The following TAF3 variants were observed in gnomAD, a reference collection of about 807,000 sequenced individuals.
TAF3 encodes the protein transcription initiation factor TFIID subunit 3.
In TAF3, 7 loss-of-function variants were observed where a neutral mutation model predicts 80.6. The observed-to-expected ratio is 0.09, with a 90% CI of 0.05 to 0.16. The LOEUF (loss-of-function observed/expected upper bound fraction) is 0.16, where lower values mean the gene tolerates loss of function less well. TAF3 is among the 10% of genes least tolerant of loss of function. The pLI, the probability that TAF3 is intolerant of heterozygous loss-of-function variation, is 1.00. For missense variants in TAF3, 921 were observed against 1,140.2 expected, an observed-to-expected ratio of 0.81 and a Z score of 2.77; for synonymous variants, 444 against 446.1, an observed-to-expected ratio of 1.00 and a Z score of 0.06.
At position 8,009,262 on chromosome 10, in the gene TAF3, G is replaced by C. The variant is rs150758246; in HGVS notation, c.2500G>C (p.Ala834Pro). Reference protein sequence around the residue: ...GPALLPSPGPAASGASAKAPV... With the variant: ...GPALLPSPGPPASGASAKAPV... ...TGCCCTGCTGCCCTCCCCGGGTCCC[G>C]CCGCCTCCGGGGCCAGTGCCAAAGC... Residue 834 changes from alanine (A) to proline (P), a missense_variant, in exon 5 of 7, where the codon GCC (alanine) becomes CCC (proline). Ala to Pro is a conservative substitution (Grantham distance 27). Coordinates refer to ENST00000344293, the MANE Select transcript of TAF3 (RefSeq NM_031923.4). The surrounding 1 kb of genome is among the most constrained non-coding windows in gnomAD (Gnocchi z 4.1). The C allele has an allele frequency of 6.4e-7, 1 of 1,552,678 alleles. No individual in the cohort carries two copies. The highest frequency in any genetic ancestry group is 8.7e-7 in the Non-Finnish European group (1 of 1,152,754).
At chr10:7,821,812 G>T (rs1164992649) in intron 1 of TAF3, among the ~76,000 whole-genome samples, 2 of 152,124 alleles carry the variant, frequency 1.3e-5, no homozygotes, top group African/African-American at 4.8e-5. Flanking sequence ...ATAGATTCTG[G>T]GGTAGGATTA....
rs747748589 is a variant in TAF3 at position 7,849,281 on chromosome 10, A to C, written c.409+24721A>C. On this transcript the variant is annotated intron_variant, in intron 2 of 6. Transcript: ENST00000344293. ...TTTGAATTCAGACAGTCTGACTCTAAAGAGCTTTTTTAAAAAAATTACTGA... is the reference window on the plus strand; with the variant it reads ...TTTGAATTCAGACAGTCTGACTCTACAGAGCTTTTTTAAAAAAATTACTGA... Among the ~76,000 whole-genome samples the C allele has an allele frequency of 5.9e-5, 9 of 152,296 alleles. No homozygotes were observed. The South Asian group carries it at 1.9e-3, about 32-fold the overall frequency.
At chr10:8,014,143 G>A (rs552016490) in intron 6 of TAF3, among the ~76,000 whole-genome samples, 1 of 152,270 alleles carries the variant, frequency 6.6e-6, no homozygotes, top group South Asian at 2.1e-4. Context: ...GTAATGTTCT[G>A]TAGGAGCTGT....
At chr10:7,991,225 A>G (rs1411485842) in intron 4 of TAF3, among the ~76,000 whole-genome samples, 1 of 152,100 alleles carries the variant, frequency 6.6e-6, no homozygotes, top group Non-Finnish European at 1.5e-5. Flanking sequence ...ATCCGTATGC[A>G]TGTATATATA....
At chr10:7,863,672 CAT>C (rs745710710) in intron 2 of TAF3, among the ~76,000 whole-genome samples, 1,961 of 41,658 alleles carry the variant, frequency 0.047, 457 homozygotes, top group Middle Eastern at 0.097. Context: ...TATATACACA[CAT>C]ATATATATAT....
intron 2 of TAF3, among the ~76,000 whole-genome samples, chr10:7,866,047 TGA>T (rs1191075586): frequency 3.5e-4 from 54 of 152,332 alleles, no homozygotes; most frequent in African/African-American, 1.3e-3. Flanking sequence ...AAAGAATATT[TGA>T]GAGTCATCTT....
chr10:7,963,990 A>T lies in TAF3; in HGVS notation c.480A>T (p.Glu160Asp). The change falls in exon 3 of 7, where the codon GAA (glutamate) becomes GAT (aspartate). Residue 160 changes from glutamate (E) to aspartate (D), a missense_variant. Physicochemically the swap from Glu to Asp is conservative, Grantham distance 45 (BLOSUM62 2). Around this residue, in one of 6 missense-constraint regions of TAF3, gnomAD observed 743 missense variants for 821.0 expected, o/e 0.90. Coordinates refer to ENST00000344293, the MANE Select transcript of TAF3 (RefSeq NM_031923.4). ...SAEAMQVPLE[E>D]DDELEEEEII... ...AAGCCATGCAGGTTCCCTTGGAAGAAGATGATGAATTGGAGGAGGAAGAAA... is the reference window on the plus strand; with the variant it reads ...AAGCCATGCAGGTTCCCTTGGAAGATGATGATGAATTGGAGGAGGAAGAAA... 1 of 1,614,130 alleles carries T rather than the reference A, an allele frequency of 6.2e-7. No individual in the cohort carries two copies. Among genetic ancestry groups the T allele is most frequent in the Non-Finnish European group, 8.5e-7 (1 of 1,180,014 alleles).
intron 2 of TAF3, among the ~76,000 whole-genome samples, chr10:7,940,681 A>G (rs1481673220): frequency 1.3e-5 from 2 of 152,334 alleles, no homozygotes; most frequent in East Asian, 3.9e-4. Context: ...GTGGCCAGGC[A>G]TGGTGGCTTA....
chr10:7,912,839 T>C (rs1033442716), intron 2 of TAF3, among the ~76,000 whole-genome samples: 2 of 152,180 alleles, frequency 1.3e-5, no homozygotes, highest in African/African-American at 4.8e-5. Context: ...TTTTTTTCCT[T>C]TCTGAATCGG....
At chr10:7,901,342 C>A (rs1374986444) in intron 2 of TAF3, among the ~76,000 whole-genome samples, 1 of 152,212 alleles carries the variant, frequency 6.6e-6, no homozygotes, top group Non-Finnish European at 1.5e-5. Flanking sequence ...TAATTACCCA[C>A]AGGGTGCATG....
At chr10:7,898,898 A>G (rs954224130) in intron 2 of TAF3, among the ~76,000 whole-genome samples, 4 of 152,292 alleles carry the variant, frequency 2.6e-5, no homozygotes, top group Admixed American at 2.0e-4. Context: ...GAGGCACTCA[A>G]AAACCAAGTG....
intron 3 of TAF3, among the ~76,000 whole-genome samples, chr10:7,967,034 C>T (rs146916243): frequency 4.9e-4 from 75 of 152,288 alleles, no homozygotes; most frequent in African/African-American, 1.8e-3. Flanking sequence ...CTTGTTTTCT[C>T]CTCCTAACAC....
At chr10:7,920,210 C>T (rs1303194986) in intron 2 of TAF3, among the ~76,000 whole-genome samples, 1 of 152,032 alleles carries the variant, frequency 6.6e-6, no homozygotes, top group Non-Finnish European at 1.5e-5. Context: ...GATGTGATCA[C>T]ACCACTGCAC....
rs768404137 is a variant in TAF3, at chr10:7,964,829, C to T, written c.1319C>T (p.Ala440Val). Residue 440 changes from alanine to valine, a missense_variant, in exon 3 of 7, where the codon GCG becomes GTG. This residue lies in a region of TAF3 where 743 missense variants were observed against 821.0 expected (regional missense o/e 0.90). Coordinates refer to ENST00000344293, the MANE Select transcript of TAF3 (RefSeq NM_031923.4). This position sits in a 1 kb window ranked among gnomAD's most constrained non-coding sequence, Gnocchi z 4.1. ...ACTACTCCCAAAGCTTCCACTTCCGCGAACAATTTCACAAAGTCAGGATCC... is the reference window on the plus strand; with the variant it reads ...ACTACTCCCAAAGCTTCCACTTCCGTGAACAATTTCACAAAGTCAGGATCC... ...ECTTPKASTS[A>V]NNFTKSGSTP... The T allele has an allele frequency of 1.7e-5, 28 of 1,614,050 alleles. 1 individual carries two copies. The highest frequency in any genetic ancestry group is 1.6e-4 in the Middle Eastern group (1 of 6,082).
intron 2 of TAF3, among the ~76,000 whole-genome samples, chr10:7,941,222 T>C (rs1302831248): frequency 6.6e-6 from 1 of 152,246 alleles, no homozygotes; most frequent in East Asian, 1.9e-4. Flanking sequence ...TTTAGCCTGC[T>C]AGATCAAATT....
intron 2 of TAF3, among the ~76,000 whole-genome samples, chr10:7,849,821 A>T (rs1246735709): frequency 6.6e-6 from 1 of 151,982 alleles, no homozygotes; most frequent in Non-Finnish European, 1.5e-5. Context: ...CTGGGACCAC[A>T]GGCATGCACC....
chr10:7,892,591 A>T (rs763548375), intron 2 of TAF3, among the ~76,000 whole-genome samples: 24 of 152,182 alleles, frequency 1.6e-4, no homozygotes, highest in Non-Finnish European at 2.5e-4. Flanking sequence ...AATAGAATAT[A>T]TTGTCAAATT....
intron 2 of TAF3, among the ~76,000 whole-genome samples, chr10:7,946,758 A>G (rs1838028389): frequency 6.6e-6 from 1 of 151,706 alleles, no homozygotes; most frequent in Non-Finnish European, 1.5e-5. Context: ...GGCACTCTAC[A>G]TCACTACCAC....
chr10:7,825,403 A>G (rs1005983212), intron 2 of TAF3, among the ~76,000 whole-genome samples: 1 of 152,224 alleles, frequency 6.6e-6, no homozygotes, highest in Non-Finnish European at 1.5e-5. Flanking sequence ...TTAAGTATAC[A>G]TTGTTATTCA....
Sources: gnomAD v4.1 joint callset for allele counts (sites outside exome capture counted in the v4.1 genomes callset) on GRCh38, gnomAD v4.1.1 for gene constraint, gnomAD v4.1.1 regional missense constraint, Gnocchi (gnomAD v3.1) non-coding constraint, MANE v1.5 for transcripts, NCBI Gene and HGNC (gene_info 2026-07-23, HGNC 2026-07-21) for gene names.